Variants in SDCCAG8 observed in about 807,000 individuals in gnomAD.
The protein encoded by SDCCAG8 is SHH signaling and ciliogenesis regulator SDCCAG8.
Under a neutral mutation model 101.8 loss-of-function variants are expected in SDCCAG8, and 74 were observed. That is an observed-to-expected ratio of 0.73 (90% CI 0.60 to 0.88). The LOEUF (loss-of-function observed/expected upper bound fraction) is 0.88, where lower values mean the gene tolerates loss of function less well. Ranked by LOEUF, SDCCAG8 falls within the 40% of genes least tolerant of loss-of-function variation. The pLI, the probability that SDCCAG8 is intolerant of heterozygous loss-of-function variation, is 0.00. For missense variants in SDCCAG8, 787 were observed against 822.6 expected (o/e 0.96, Z 0.53); for synonymous variants, 281 against 292.9 (o/e 0.96, Z 0.41).
intron 17 of SDCCAG8, among the ~76,000 whole-genome samples, chr1:243,491,919 C>G (rs913360305): frequency 6.6e-6 from 1 of 152,176 alleles, no homozygotes; most frequent in Admixed American, 6.5e-5. Context: ...TTTTGCATGT[C>G]AAACTCTAAA....
At chr1:243,296,035 A>T (rs765548931) in intron 6 of SDCCAG8, among the ~76,000 whole-genome samples, 3 of 151,944 alleles carry the variant, frequency 2.0e-5, no homozygotes, top group Non-Finnish European at 4.4e-5. Context: ...TAGCTCTGTC[A>T]CCCAGGGTGG....
intron 4 of SDCCAG8, among the ~76,000 whole-genome samples, chr1:243,280,749 T>C (rs991384480): frequency 6.6e-6 from 1 of 152,232 alleles, no homozygotes; most frequent in African/African-American, 2.4e-5. Flanking sequence ...CGTTCTGTTA[T>C]TGATTTCTGG....
chr1:243,426,552 A>T lies in SDCCAG8; in HGVS notation c.1979A>T (p.Lys660Met). The change falls in exon 16 of 18, where the codon AAG becomes ATG. Residue 660 changes from lysine to methionine, a missense_variant. By Grantham distance (95) the Lys-to-Met change is moderately conservative. Transcript: ENST00000366541. ...CATGGGAGAGTACATGAGACGATGA[A>T]GCAAAGGTAATCAAGGTTTCATGTC... ...VQHGRVHETM[K>M]QRLRQLDKHS... is the part of the protein sequence containing the mutation. The T allele has an allele frequency of 6.2e-7, 1 of 1,614,018 alleles. No homozygotes were observed. Among genetic ancestry groups the T allele is most frequent in the Non-Finnish European group, 8.5e-7 (1 of 1,179,920 alleles).
intron 12 of SDCCAG8, among the ~76,000 whole-genome samples, chr1:243,348,024 TTTTTTTTTTTTTC>T (rs1355427586): frequency 8.7e-6 from 1 of 115,224 alleles, no homozygotes; most frequent in African/African-American, 4.2e-5. Flanking sequence ...GGACATGCAT[TTTTTTTTTTTTTC>T]TTTTTTTTTT....
chr1:243,434,268 A>G (rs758496600), intron 16 of SDCCAG8, among the ~76,000 whole-genome samples: 1 of 152,384 alleles, frequency 6.6e-6, no homozygotes, highest in African/African-American at 2.4e-5. Flanking sequence ...TAAAGCAGAT[A>G]TATGATCCCT....
chr1:243,417,166 G>A (rs190844028), intron 14 of SDCCAG8, among the ~76,000 whole-genome samples: 3 of 152,256 alleles, frequency 2.0e-5, no homozygotes, highest in African/African-American at 4.8e-5. Context: ...CAGAAGAAAC[G>A]AAAATTCACC....
intron 16 of SDCCAG8, among the ~76,000 whole-genome samples, chr1:243,430,358 CAG>C (rs1004852448): frequency 6.6e-6 from 1 of 152,026 alleles, no homozygotes; most frequent in Non-Finnish European, 1.5e-5. Context: ...TAAAGGAAAA[CAG>C]AAAGTGTGGC....
intron 2 of SDCCAG8, among the ~76,000 whole-genome samples, 157 bp from the exon 3 acceptor site, chr1:243,270,821 C>CT (rs78256147): frequency 1.2e-3 from 176 of 141,532 alleles, no homozygotes; most frequent in South Asian, 7.9e-3. Context: ...GGTAGAAATT[C>CT]TTTTTTTTTT....
At chr1:243,283,835 G>C (rs930575606) in intron 4 of SDCCAG8, among the ~76,000 whole-genome samples, 1 of 152,070 alleles carries the variant, frequency 6.6e-6, no homozygotes, top group African/African-American at 2.4e-5. Context: ...CTGCCTCCTG[G>C]GTTCAAGTGA....
intron 12 of SDCCAG8, among the ~76,000 whole-genome samples, chr1:243,362,533 A>G (rs1427909431): frequency 6.6e-6 from 1 of 152,252 alleles, no homozygotes; most frequent in Non-Finnish European, 1.5e-5. Context: ...TACAATGCCT[A>G]CCTTATAGGA....
At chr1:243,464,167 A>G (rs1558504565) in intron 16 of SDCCAG8, among the ~76,000 whole-genome samples, 2 of 152,176 alleles carry the variant, frequency 1.3e-5, no homozygotes, top group African/African-American at 2.4e-5. Flanking sequence ...AGTTTGAAGC[A>G]TGTGGTGGCA....
intron 13 of SDCCAG8, among the ~76,000 whole-genome samples, chr1:243,392,778 T>C (rs1440335199): frequency 6.6e-6 from 1 of 152,206 alleles, no homozygotes; most frequent in African/African-American, 2.4e-5. Context: ...TGCTTTTCAT[T>C]AAATGCAGGA....
chr1:243,397,032 C>T (rs2079072315), intron 13 of SDCCAG8, among the ~76,000 whole-genome samples: 1 of 152,120 alleles, frequency 6.6e-6, no homozygotes, highest in South Asian at 2.1e-4. Flanking sequence ...GCCAGAATAG[C>T]CCTGGCAGAG....
At chr1:243,415,985 G>A (rs1423559018) in intron 14 of SDCCAG8, among the ~76,000 whole-genome samples, 156 bp downstream of exon 14, 1 of 152,214 alleles carries the variant, frequency 6.6e-6, no homozygotes, top group Non-Finnish European at 1.5e-5. Context: ...ATTAGTTAGC[G>A]TTTAAAAGAG....
intron 9 of SDCCAG8, among the ~76,000 whole-genome samples, chr1:243,323,186 C>G (rs1230865827): frequency 1.3e-5 from 2 of 151,644 alleles, no homozygotes; most frequent in South Asian, 4.2e-4. Flanking sequence ...ATACTAGTCA[C>G]CTTCAGTGGT....
chr1:243,449,004 GAAAACCTACTC>G (rs981313419), intron 16 of SDCCAG8, among the ~76,000 whole-genome samples: 4 of 152,102 alleles, frequency 2.6e-5, no homozygotes, highest in Non-Finnish European at 5.9e-5. Context: ...TTCATGTTTG[GAAAACCTACTC>G]ACTATATGTG....
intron 12 of SDCCAG8, among the ~76,000 whole-genome samples, chr1:243,352,499 G>T (rs1267129336): frequency 6.6e-6 from 1 of 152,196 alleles, no homozygotes; most frequent in Non-Finnish European, 1.5e-5. Context: ...TACCAACTCT[G>T]CAGTTCTGGT....
At chr1:243,282,197 T>C (rs1184620762) in intron 4 of SDCCAG8, among the ~76,000 whole-genome samples, 1 of 151,566 alleles carries the variant, frequency 6.6e-6, no homozygotes, top group Non-Finnish European at 1.5e-5. Flanking sequence ...ATTGATCAAT[T>C]GTACTTCTTT....
intron 16 of SDCCAG8, among the ~76,000 whole-genome samples, chr1:243,439,622 T>TCTCACACACACACACACA (rs541157518): frequency 5.0e-5 from 6 of 120,146 alleles, no homozygotes; most frequent in African/African-American, 1.3e-4. Flanking sequence ...TGAGACTCCA[T>TCTCACACACACACACACA]CACACACACA....
Sources: allele counts gnomAD v4.1 joint callset (sites outside exome capture counted in the v4.1 genomes callset), GRCh38; gene constraint gnomAD v4.1.1; transcripts MANE v1.5; gene names NCBI Gene and HGNC (gene_info 2026-07-23, HGNC 2026-07-21).